TTC28: variants seen among roughly 807,000 people sequenced by gnomAD.
TTC28 encodes the protein tetratricopeptide repeat domain 28.
Under a neutral mutation model 198.0 loss-of-function variants are expected in TTC28, and 61 were observed. That is an observed-to-expected ratio of 0.31 (90% CI 0.25 to 0.38). The LOEUF (loss-of-function observed/expected upper bound fraction) is 0.38, where lower values mean the gene tolerates loss of function less well. TTC28 is among the 10% of genes least tolerant of loss of function. The pLI is 1.00. For missense variants in TTC28, 2,678 were observed against 3,164.0 expected (o/e 0.85, Z 3.69); for synonymous variants, 1,171 against 1,297.8 (o/e 0.90, Z 2.10).
In TTC28 at chr22:28,047,045, GGAA is replaced by G. The variant is rs957182316; in HGVS notation, c.3933-16682_3933-16680del. On this transcript the variant is annotated intron_variant, in intron 12 of 22. Coordinates refer to ENST00000397906, the MANE Select transcript of TTC28 (RefSeq NM_001145418.2). ...GAGACGGCCAGAGAGAAGGGAATGA[GGAA>G]ACTGGTGATTTCTTTGGAGAGAGTT... 2.8e-4 allele frequency among the ~76,000 whole-genome samples: 43 copies of G among 152,178 alleles called. 1 individual carries two copies. Among genetic ancestry groups the G allele is most frequent in the Admixed American group, 2.0e-4 (3 of 15,280 alleles).
Position 27,985,238 on chromosome 22 carries a change from C to T in TTC28, c.5815+11G>A. On this transcript the variant is annotated intron_variant, in intron 22 of 22. Transcript: ENST00000397906. The stretch of plus-strand genomic sequence containing the variant: ...CCCTGGTGGAGAACTGGTCTGAGGG[C>T]AGGCTCTTACCAAACAGAGACAGCA... 6.5e-7 allele frequency: 1 copy of T among 1,546,632 alleles called. No homozygotes were observed. Among genetic ancestry groups the T allele is most frequent in the East Asian group, 2.4e-5 (1 of 40,836 alleles).
chr22:28,257,739 C>CATAAATATATAT (rs1555952252), intron 5 of TTC28, among the ~76,000 whole-genome samples: 1 of 96,602 alleles, frequency 1.0e-5, no homozygotes, highest in Non-Finnish European at 2.0e-5. Flanking sequence ...GGTAATAGAA[C>CATAAATATATAT]ATATATATAT....
intron 5 of TTC28, among the ~76,000 whole-genome samples, chr22:28,295,612 A>G (rs569274422): frequency 3.9e-5 from 6 of 152,320 alleles, no homozygotes; most frequent in African/African-American, 1.4e-4. Flanking sequence ...ATCTGGGCCT[A>G]TCTGACACCA....
rs71803180 is a variant in TTC28 at position 28,066,304 on chromosome 22, G to GTGGT, written c.3932+27775_3932+27776insACCA. 2.1e-3 allele frequency among the ~76,000 whole-genome samples: 304 copies of GTGGT among 147,190 alleles called. 2 individuals are homozygous for GTGGT. Among genetic ancestry groups the GTGGT allele is most frequent in the African/African-American group, 3.7e-3 (147 of 39,330 alleles). ...TGTGTGTGTGTGTGTGTGTGTGTGT[G>GTGGT]GTGTGTGTGTGTGTGTGTGCGCGCG... On this transcript the variant is annotated intron_variant, in intron 12 of 22. Coordinates refer to ENST00000397906, the MANE Select transcript of TTC28 (RefSeq NM_001145418.2).
intron 2 of TTC28, among the ~76,000 whole-genome samples, chr22:28,342,289 G>A (rs1390418922): frequency 6.6e-6 from 1 of 152,068 alleles, no homozygotes; most frequent in Non-Finnish European, 1.5e-5. Flanking sequence ...TATATTTGTT[G>A]CTTTCATTAA....
chr22:28,547,166 A>G (rs2049561197), intron 2 of TTC28, among the ~76,000 whole-genome samples: 1 of 152,094 alleles, frequency 6.6e-6, no homozygotes. Flanking sequence ...ATTATACTTC[A>G]ATAAAGTGAT....
At chr22:28,217,235 A>G (rs1425375872) in intron 5 of TTC28, among the ~76,000 whole-genome samples, 2 of 152,148 alleles carry the variant, frequency 1.3e-5, no homozygotes, top group South Asian at 2.1e-4. Context: ...GAGCTCATGT[A>G]CCCTATCAAT....
At chr22:28,139,159 T>G (rs1031385681) in intron 6 of TTC28, among the ~76,000 whole-genome samples, 3 of 152,166 alleles carry the variant, frequency 2.0e-5, no homozygotes, top group African/African-American at 7.2e-5. Flanking sequence ...GATCATGCAT[T>G]GTGCTGGAGG....
intron 2 of TTC28, among the ~76,000 whole-genome samples, chr22:28,456,720 C>T (rs996274440): frequency 3.3e-5 from 5 of 152,106 alleles, no homozygotes; most frequent in East Asian, 1.9e-4. Flanking sequence ...GGATTACAGG[C>T]GCATGCCACC....
intron 2 of TTC28, among the ~76,000 whole-genome samples, chr22:28,502,358 G>A (rs562139912): frequency 5.9e-5 from 9 of 152,116 alleles, no homozygotes; most frequent in African/African-American, 2.2e-4. Context: ...AAAAGAAAAT[G>A]GGCCAGGCGC....
chr22:28,619,367 T>C (rs2050954834), intron 2 of TTC28, among the ~76,000 whole-genome samples: 2 of 152,212 alleles, frequency 1.3e-5, no homozygotes, highest in African/African-American at 4.8e-5. Context: ...GTCAAAGACT[T>C]CAGCTAATAA....
Position 28,494,498 on chromosome 22 carries a change from C to T in TTC28, c.381+135054G>A, listed in dbSNP as rs141245352. On this transcript the variant is annotated intron_variant, in intron 2 of 22. Transcript: ENST00000397906. Reference sequence around the variant, plus strand: ...ACCCCTCACTAGAGACTTTCCACCACTTAAGTTTAACCTATCAGAAACTGC... The same window carrying T: ...ACCCCTCACTAGAGACTTTCCACCATTTAAGTTTAACCTATCAGAAACTGC... 6.0e-3 allele frequency among the ~76,000 whole-genome samples: 912 copies of T among 152,288 alleles called. 13 individuals are homozygous for T. Among genetic ancestry groups the T allele is most frequent in the African/African-American group, 0.021 (871 of 41,568 alleles).
intron 2 of TTC28, among the ~76,000 whole-genome samples, chr22:28,404,311 G>A (rs986329338): frequency 1.3e-5 from 2 of 152,018 alleles, no homozygotes; most frequent in Non-Finnish European, 2.9e-5. Context: ...ATAGAGATGG[G>A]GTTTCACCTT....
At chr22:28,203,551 T>C (rs916444868) in intron 5 of TTC28, among the ~76,000 whole-genome samples, 4 of 152,160 alleles carry the variant, frequency 2.6e-5, no homozygotes, top group Non-Finnish European at 5.9e-5. Context: ...TGAACTCCCC[T>C]ATCCAGCTGG....
chr22:28,241,568 C>G (rs1049038067), intron 5 of TTC28, among the ~76,000 whole-genome samples: 41 of 151,838 alleles, frequency 2.7e-4, no homozygotes, highest in African/African-American at 9.2e-4. Flanking sequence ...GGGCAAAAGG[C>G]AACTGTATGT....
intron 5 of TTC28, among the ~76,000 whole-genome samples, chr22:28,250,326 T>C (rs975959357): frequency 6.6e-6 from 1 of 152,204 alleles, no homozygotes; most frequent in African/African-American, 2.4e-5. Context: ...TTTGTTATAT[T>C]TCAAAATTTA....
intron 5 of TTC28, among the ~76,000 whole-genome samples, chr22:28,248,328 G>A (rs1192678495): frequency 3.3e-5 from 5 of 152,132 alleles, no homozygotes; most frequent in Admixed American, 3.3e-4. Flanking sequence ...GGGCCAGGCT[G>A]GGGGCTGAAT....
At chr22:28,528,195 T>TAAA (rs1445616137) in intron 2 of TTC28, among the ~76,000 whole-genome samples, 1 of 152,198 alleles carries the variant, frequency 6.6e-6, no homozygotes, top group African/African-American at 2.4e-5. Context: ...TATCTTTTCT[T>TAAA]CAGTTTCATA....
chr22:28,627,213 A>G (rs2051089815), intron 2 of TTC28, among the ~76,000 whole-genome samples: 1 of 152,150 alleles, frequency 6.6e-6, no homozygotes, highest in South Asian at 2.1e-4. Context: ...ATTACTTACC[A>G]AACATCTACT....
Sources: allele counts gnomAD v4.1 joint callset (sites outside exome capture counted in the v4.1 genomes callset), GRCh38; gene constraint gnomAD v4.1.1; transcripts MANE v1.5; gene names NCBI Gene and HGNC (gene_info 2026-07-23, HGNC 2026-07-21).